The following EDIL3 variants were observed in gnomAD, a reference collection of about 807,000 sequenced individuals.
The protein encoded by EDIL3 is EGF-like repeat and discoidin I-like domain-containing protein 3.
In EDIL3, 37 loss-of-function variants were observed where a neutral mutation model predicts 67.4. The ratio of observed to expected loss-of-function variants is 0.55; its 90% CI spans 0.42 to 0.72. The LOEUF (loss-of-function observed/expected upper bound fraction) is 0.72, where lower values mean the gene tolerates loss of function less well. Ranked by LOEUF, EDIL3 falls within the 30% of genes least tolerant of loss-of-function variation. The probability of loss-of-function intolerance (pLI) is 0.00; values close to 1 mark genes in which losing one functional copy is unlikely to be tolerated. For synonymous variants in EDIL3, 195 were observed against 196.3 expected, an observed-to-expected ratio of 0.99 and a Z score of 0.05; for missense variants, 527 against 586.3, an observed-to-expected ratio of 0.90 and a Z score of 1.04.
intron 9 of EDIL3, 25 bp downstream of exon 9, chr5:84,060,275 G>A: frequency 6.2e-7 from 1 of 1,609,450 alleles, no homozygotes. Context: ...ACAGTGGGTA[G>A]TGAAACAGTT....
intron 3 of EDIL3, 58 bp from the exon 4 acceptor site, chr5:84,180,579 G>C: frequency 6.8e-7 from 1 of 1,476,458 alleles, no homozygotes; most frequent in Non-Finnish European, 9.0e-7. Flanking sequence ...TAGACATTAG[G>C]TCAACATTTT....
At chr5:84,005,467 C>A (rs572298612) in intron 9 of EDIL3, among the ~76,000 whole-genome samples, 1 of 152,054 alleles carries the variant, frequency 6.6e-6, no homozygotes, top group Non-Finnish European at 1.5e-5. Context: ...CATTTAAAAG[C>A]GAATCCTTCA....
intron 4 of EDIL3, among the ~76,000 whole-genome samples, chr5:84,141,529 A>T (rs1249776606): frequency 2.0e-5 from 3 of 147,694 alleles, no homozygotes; most frequent in Admixed American, 6.8e-5. Flanking sequence ...TATGCGATAT[A>T]TATGTATTAC....
intron 1 of EDIL3, among the ~76,000 whole-genome samples, chr5:84,280,743 A>T (rs948011927): frequency 6.6e-6 from 1 of 152,040 alleles, no homozygotes; most frequent in Non-Finnish European, 1.5e-5. Flanking sequence ...GCTTGAGCCC[A>T]GGAGTTCTGG....
At position 83,953,309 on chromosome 5, in the gene EDIL3, T is replaced by C. The variant is rs140339879; in HGVS notation, c.1294-9741A>G. Among the ~76,000 whole-genome samples, 18 of 151,952 alleles carry C rather than the reference T, an allele frequency of 1.2e-4. No individual in the cohort carries two copies. In the East Asian group the frequency reaches 3.1e-3, roughly 26 times the overall value. Reference sequence around the variant, plus strand: ...ACTATATGAAGAACATGAGGAATGCTAGACCTAAGCTGAGCAGTCACTAAC... The same window carrying C: ...ACTATATGAAGAACATGAGGAATGCCAGACCTAAGCTGAGCAGTCACTAAC... On this transcript the variant is annotated intron_variant, in intron 10 of 10. Transcript: ENST00000296591.
At chr5:84,180,875 T>G (rs1359323765) in intron 3 of EDIL3, among the ~76,000 whole-genome samples, 3 of 152,180 alleles carry the variant, frequency 2.0e-5, no homozygotes, top group Non-Finnish European at 2.9e-5. Flanking sequence ...ACTCAAAAAA[T>G]TATTAGCATT....
At chr5:84,158,704 A>G (rs1269378477) in intron 4 of EDIL3, among the ~76,000 whole-genome samples, 1 of 152,066 alleles carries the variant, frequency 6.6e-6, no homozygotes, top group Admixed American at 6.6e-5. Flanking sequence ...AAATATAGAA[A>G]TCATTGGCTT....
intron 5 of EDIL3, among the ~76,000 whole-genome samples, chr5:84,116,557 T>TA (rs957335669): frequency 6.6e-5 from 10 of 151,426 alleles, no homozygotes; most frequent in African/African-American, 7.3e-5. Context: ...CTTTCCAAAT[T>TA]AAAAAAAAAT....
intron 4 of EDIL3, among the ~76,000 whole-genome samples, chr5:84,164,644 A>T (rs1748673326): frequency 6.6e-6 from 1 of 152,096 alleles, no homozygotes; most frequent in Non-Finnish European, 1.5e-5. Context: ...ACAAGTGTTT[A>T]GTGTGCTCTT....
At chr5:83,980,768 T>C (rs1297514805) in intron 9 of EDIL3, among the ~76,000 whole-genome samples, 1 of 149,242 alleles carries the variant, frequency 6.7e-6, no homozygotes, top group Non-Finnish European at 1.5e-5. Context: ...TAAGAAATAT[T>C]AGAACTAATA....
chr5:84,012,133 G>A (rs1745528251), intron 9 of EDIL3, among the ~76,000 whole-genome samples: 1 of 152,110 alleles, frequency 6.6e-6, no homozygotes, highest in African/African-American at 2.4e-5. Context: ...TTTTGAAGGA[G>A]GACAGCATAA....
chr5:84,213,855 C>G (rs189606185), intron 3 of EDIL3, among the ~76,000 whole-genome samples: 1 of 152,118 alleles, frequency 6.6e-6, no homozygotes, highest in South Asian at 2.1e-4. Flanking sequence ...TTGAAGATGT[C>G]TGTGAGCTTA....
intron 6 of EDIL3, among the ~76,000 whole-genome samples, chr5:84,086,947 G>A (rs571441069): frequency 3.9e-5 from 6 of 152,072 alleles, no homozygotes; most frequent in Non-Finnish European, 8.8e-5. Context: ...GAGGGGAGAA[G>A]AGGATGTGTG....
At chr5:84,271,544 C>T (rs539689647) in intron 1 of EDIL3, among the ~76,000 whole-genome samples, 1 of 152,040 alleles carries the variant, frequency 6.6e-6, no homozygotes, top group African/African-American at 2.4e-5. Flanking sequence ...GATTTATGTG[C>T]CTTGGGTTGT....
intron 4 of EDIL3, among the ~76,000 whole-genome samples, chr5:84,175,913 CAT>C (rs937812840): frequency 2.6e-5 from 4 of 151,814 alleles, no homozygotes; most frequent in African/African-American, 9.7e-5. Context: ...ACAAGTGTAA[CAT>C]AGAAGACAAA....
In EDIL3 at chr5:83,956,861, C is replaced by T. The variant is rs115939679; in HGVS notation, c.1293+6344G>A. Among the ~76,000 whole-genome samples, 668 of 151,746 alleles carry T rather than the reference C, an allele frequency of 4.4e-3. 6 individuals are homozygous for T. The highest frequency in any genetic ancestry group is 0.016 in the African/African-American group (644 of 41,442). On this transcript the variant is annotated intron_variant, in intron 10 of 10. Coordinates refer to ENST00000296591, the MANE Select transcript of EDIL3 (RefSeq NM_005711.5). ...ATAAATATACATACCTGTCTATGTACACACACAAGTTAAAAATATGCAAAT... is the reference window on the plus strand; with the variant it reads ...ATAAATATACATACCTGTCTATGTATACACACAAGTTAAAAATATGCAAAT...
chr5:83,995,510 A>G (rs2112163900), intron 9 of EDIL3, among the ~76,000 whole-genome samples: 1 of 152,316 alleles, frequency 6.6e-6, no homozygotes, highest in East Asian at 1.9e-4. Context: ...CATACTAAAA[A>G]TGAATATTGA....
intron 1 of EDIL3, among the ~76,000 whole-genome samples, chr5:84,347,287 C>T (rs896023609): frequency 1.3e-5 from 2 of 152,142 alleles, no homozygotes; most frequent in Non-Finnish European, 2.9e-5. Context: ...AAAAGTTACT[C>T]ATCTCACACT....
At chr5:84,287,853 CCTCT>C (rs1056165678) in intron 1 of EDIL3, among the ~76,000 whole-genome samples, 1 of 152,060 alleles carries the variant, frequency 6.6e-6, no homozygotes, top group African/African-American at 2.4e-5. Flanking sequence ...TCTTCCTCTT[CCTCT>C]CTAACTCTTA....
Sources: allele counts gnomAD v4.1 joint callset (sites outside exome capture counted in the v4.1 genomes callset), GRCh38; gene constraint gnomAD v4.1.1; transcripts MANE v1.5; gene names NCBI Gene and HGNC (gene_info 2026-07-23, HGNC 2026-07-21).